The following PPP2R2C variants were observed in gnomAD, a reference collection of about 807,000 sequenced individuals.
PPP2R2C encodes protein phosphatase 2 regulatory subunit Bgamma, also known as protein phosphatase 2, regulatory subunit B, gamma.
A neutral mutation model predicts 45.3 loss-of-function variants in PPP2R2C; 10 were observed. The observed-to-expected ratio is 0.22, with a 90% confidence interval of 0.14 to 0.37. PPP2R2C has a LOEUF of 0.37. Ranked by LOEUF, PPP2R2C falls within the 10% of genes least tolerant of loss-of-function variation. The pLI is 1.00. For missense variants in PPP2R2C, 308 were observed against 619.7 expected (o/e 0.50, Z 5.34); for synonymous variants, 257 against 245.4 (o/e 1.05, Z -0.44).
At chr4:6,344,300 G>A (rs1292996286) in intron 6 of PPP2R2C, among the ~76,000 whole-genome samples, 2 of 152,214 alleles carry the variant, frequency 1.3e-5, no homozygotes, top group Non-Finnish European at 1.5e-5. Flanking sequence ...TTGAGTCATC[G>A]AAAACACTCA....
intron 6 of PPP2R2C, among the ~76,000 whole-genome samples, chr4:6,336,021 T>A (rs953816853): frequency 6.6e-6 from 1 of 152,038 alleles, no homozygotes; most frequent in African/African-American, 2.4e-5. Context: ...GCACCGGGTA[T>A]CCTGAGGGCA....
chr4:6,491,228 T>C lies in PPP2R2C; in HGVS notation c.49+44043A>G, dbSNP rs139373418. Reference sequence around the variant, plus strand: ...GGTGAATTTGTGGATGAATGGATGATCAAGGAGGCCAGTAAGTGGCTCAGG... The same window carrying C: ...GGTGAATTTGTGGATGAATGGATGACCAAGGAGGCCAGTAAGTGGCTCAGG... On this transcript the variant is annotated intron_variant, in intron 2 of 9. Coordinates refer to the PPP2R2C transcript ENST00000506140. 4.3e-3 allele frequency among the ~76,000 whole-genome samples: 652 copies of C among 152,334 alleles called. 4 individuals are homozygous for C. The highest frequency in any genetic ancestry group is 0.015 in the African/African-American group (604 of 41,582).
At position 6,471,894 on chromosome 4, in the gene PPP2R2C, A is replaced by C. The variant is rs146062554; in HGVS notation, c.70+266T>G. ...GATGCCACCTGGCTTGGGAGAGGAA[A>C]GCTGCCTCCCGGAGGGCGGCGCGGA... is the stretch of plus-strand genomic sequence containing the variant. On this transcript the variant is annotated intron_variant, in intron 1 of 8. Transcript: ENST00000382599. The surrounding 1 kb of genome is among the most constrained non-coding windows in gnomAD (Gnocchi z 5.6). 2.2e-3 allele frequency among the ~76,000 whole-genome samples: 341 copies of C among 151,566 alleles called. No individual in the cohort carries two copies. In the Middle Eastern group the frequency reaches 0.031, roughly 14 times the overall value.
intron 1 of PPP2R2C, chr4:6,535,496 C>T: frequency 1.5e-6 from 1 of 678,244 alleles, no homozygotes; most frequent in Non-Finnish European, 2.4e-6. Context: ...CGCCGCCCGG[C>T]ACAGCTCCAG....
intron 6 of PPP2R2C, among the ~76,000 whole-genome samples, chr4:6,342,268 G>A (rs1282680845): frequency 3.3e-5 from 5 of 152,188 alleles, no homozygotes; most frequent in South Asian, 2.1e-4. Context: ...ACCAACAGCC[G>A]ACTATTAGGA....
intron 2 of PPP2R2C, among the ~76,000 whole-genome samples, chr4:6,492,923 T>C (rs1353278803): frequency 6.6e-6 from 1 of 152,142 alleles, no homozygotes; most frequent in Admixed American, 6.5e-5. Flanking sequence ...AAGACAATGA[T>C]GTCCTCCCAG....
At chr4:6,426,509 G>A (rs897456159) in intron 1 of PPP2R2C, among the ~76,000 whole-genome samples, 9 of 152,170 alleles carry the variant, frequency 5.9e-5, no homozygotes, top group African/African-American at 1.4e-4. Context: ...CCACTCGGTC[G>A]GTGCAGGGAA....
At chr4:6,488,360 GTTC>G (rs1316494119) in intron 2 of PPP2R2C, among the ~76,000 whole-genome samples, 4 of 152,246 alleles carry the variant, frequency 2.6e-5, no homozygotes, top group Admixed American at 1.3e-4. Flanking sequence ...CCTGAGCCTT[GTTC>G]TGAGATGTAG....
chr4:6,456,304 AT>A (rs367728968), intron 1 of PPP2R2C, among the ~76,000 whole-genome samples: 29 of 35,652 alleles, frequency 8.1e-4, no homozygotes, highest in South Asian at 2.8e-3. Flanking sequence ...GAAGGATGTT[AT>A]TTCCCCCCCC....
intron 1 of PPP2R2C, among the ~76,000 whole-genome samples, chr4:6,470,859 G>C (rs1371456499): frequency 6.6e-6 from 1 of 151,988 alleles, no homozygotes; most frequent in Non-Finnish European, 1.5e-5. Context: ...GTGACTCAGC[G>C]GTTCTCCCGC....
intron 6 of PPP2R2C, among the ~76,000 whole-genome samples, chr4:6,346,533 G>A (rs1025494841): frequency 6.6e-5 from 10 of 152,146 alleles, no homozygotes; most frequent in African/African-American, 2.4e-4. Context: ...TGTCTCCCCC[G>A]CAGACGCCAG....
intron 1 of PPP2R2C, among the ~76,000 whole-genome samples, chr4:6,429,834 C>T (rs558429100): frequency 1.8e-4 from 28 of 152,238 alleles, no homozygotes; most frequent in African/African-American, 5.5e-4. Flanking sequence ...GAATGCAGGC[C>T]AGTCCCCGAG....
intron 6 of PPP2R2C, among the ~76,000 whole-genome samples, chr4:6,342,310 T>G (rs371670852): frequency 6.6e-6 from 1 of 152,130 alleles, no homozygotes; most frequent in South Asian, 2.1e-4. Context: ...AAGTTAAGCA[T>G]GTACTTTCAA....
chr4:6,452,082 T>C (rs2108747267), intron 1 of PPP2R2C, among the ~76,000 whole-genome samples: 1 of 151,922 alleles, frequency 6.6e-6, no homozygotes, highest in Admixed American at 6.5e-5. Context: ...GTGGCCTGTG[T>C]AAGTGTGGGG....
intron 2 of PPP2R2C, among the ~76,000 whole-genome samples, chr4:6,496,588 A>G (rs116123033): frequency 0.027 from 4,062 of 152,330 alleles, 172 homozygotes; most frequent in African/African-American, 0.093. Flanking sequence ...TAGGCTGGAC[A>G]CAGTGGCTCA....
chr4:6,398,206 T>C (rs2109344901), intron 1 of PPP2R2C, among the ~76,000 whole-genome samples: 1 of 152,304 alleles, frequency 6.6e-6, no homozygotes, highest in African/African-American at 2.4e-5. Context: ...GCAACTTCGA[T>C]TTCTCAAGAC....
chr4:6,340,100 T>C (rs1733331853), intron 6 of PPP2R2C, among the ~76,000 whole-genome samples: 1 of 152,092 alleles, frequency 6.6e-6, no homozygotes, highest in Non-Finnish European at 1.5e-5. Flanking sequence ...CAATGAATGC[T>C]CACTGATGAA....
At chr4:6,514,430 G>C (rs1560596703) in intron 2 of PPP2R2C, among the ~76,000 whole-genome samples, 1 of 152,216 alleles carries the variant, frequency 6.6e-6, no homozygotes, top group African/African-American at 2.4e-5. Flanking sequence ...GGTGATTGGT[G>C]ATCAAAGATG....
chr4:6,503,237 C>A (rs1723116467), intron 2 of PPP2R2C, among the ~76,000 whole-genome samples: 1 of 152,188 alleles, frequency 6.6e-6, no homozygotes, highest in Non-Finnish European at 1.5e-5. Flanking sequence ...CTCAGCCCAC[C>A]CCACTCCAGC....
Sources: gnomAD v4.1 joint callset for allele counts (sites outside exome capture counted in the v4.1 genomes callset) on GRCh38, gnomAD v4.1.1 for gene constraint, Gnocchi (gnomAD v3.1) non-coding constraint, MANE v1.5 for transcripts, NCBI Gene and HGNC (gene_info 2026-07-23, HGNC 2026-07-21) for gene names.